The following RNF185 variants were observed in gnomAD, a reference collection of about 807,000 sequenced individuals.
RNF185 encodes the protein E3 ubiquitin-protein ligase RNF185.
A neutral mutation model predicts 24.9 loss-of-function variants in RNF185; 13 were observed. That is an observed-to-expected ratio of 0.52 (90% CI 0.34 to 0.83). The LOEUF is 0.83. Among genes scored for constraint, RNF185 ranks in the 40% least tolerant of loss-of-function variants. The probability of loss-of-function intolerance (pLI) is 0.01; values close to 1 mark genes in which losing one functional copy is unlikely to be tolerated. For synonymous variants in RNF185, 79 were observed against 90.3 expected (o/e 0.88, Z 0.71); for missense variants, 184 against 244.7 (o/e 0.75, Z 1.65).
chr22:31,176,191 G>T (rs1234454578), intron 1 of RNF185, among the ~76,000 whole-genome samples: 3 of 151,940 alleles, frequency 2.0e-5, no homozygotes, highest in Non-Finnish European at 2.9e-5. Flanking sequence ...TAATATTTTT[G>T]ACCTCTTTTT....
At chr22:31,199,872 G>T (rs1316837453) in intron 5 of RNF185, among the ~76,000 whole-genome samples, 1 of 152,226 alleles carries the variant, frequency 6.6e-6, no homozygotes, top group Non-Finnish European at 1.5e-5. Context: ...AGGCTGATCA[G>T]TGTGTGATGG....
intron 1 of RNF185, among the ~76,000 whole-genome samples, chr22:31,177,941 T>G (rs889274660): frequency 1.3e-5 from 2 of 152,200 alleles, no homozygotes; most frequent in Non-Finnish European, 2.9e-5. Context: ...TGCAGGGATA[T>G]TCAACTCTCG....
chr22:31,181,200 C>T (rs1240107855), intron 1 of RNF185, among the ~76,000 whole-genome samples: 2 of 151,696 alleles, frequency 1.3e-5, no homozygotes, highest in South Asian at 4.2e-4. Flanking sequence ...TAAAAATTAG[C>T]TGAGCATGGT....
chr22:31,163,158 TCACACC>T (rs1468584617), intron 1 of RNF185, among the ~76,000 whole-genome samples: 1 of 152,244 alleles, frequency 6.6e-6, no homozygotes, highest in Non-Finnish European at 1.5e-5. Flanking sequence ...TTCATTTCAG[TCACACC>T]CATTTATTTA....
At chr22:31,166,561 C>CTTG (rs1261375561) in intron 1 of RNF185, among the ~76,000 whole-genome samples, 1 of 149,132 alleles carries the variant, frequency 6.7e-6, no homozygotes. Context: ...ATAAGCATTT[C>CTTG]TTCTTCTTCT....
intron 1 of RNF185, among the ~76,000 whole-genome samples, chr22:31,176,887 T>C (rs927118254): frequency 6.6e-6 from 1 of 152,192 alleles, no homozygotes; most frequent in Non-Finnish European, 1.5e-5. Context: ...TGTAATCTAT[T>C]ATGTGGACGT....
At chr22:31,186,970 G>A (rs2048105222) in intron 1 of RNF185, 77 bp from the exon 2 acceptor site, 4 of 1,022,866 alleles carry the variant, frequency 3.9e-6, no homozygotes, top group Admixed American at 4.6e-5. Context: ...GGAGCCTAGA[G>A]AAGACAGGAA....
intron 2 of RNF185, among the ~76,000 whole-genome samples, chr22:31,191,199 G>C (rs188061420): frequency 1.7e-4 from 26 of 152,292 alleles, no homozygotes; most frequent in African/African-American, 6.0e-4. Context: ...TTCCCCTGAG[G>C]GTCATTCATT....
chr22:31,162,212 G>A (rs1923623674), intron 1 of RNF185, among the ~76,000 whole-genome samples: 1 of 152,102 alleles, frequency 6.6e-6, no homozygotes, highest in Non-Finnish European at 1.5e-5. Flanking sequence ...CAAAAGTTAG[G>A]GTTGAGCCAA....
At chr22:31,182,518 T>A (rs1016346778) in intron 1 of RNF185, among the ~76,000 whole-genome samples, 3 of 152,294 alleles carry the variant, frequency 2.0e-5, no homozygotes, top group East Asian at 1.9e-4. Context: ...CAGGCTGGTC[T>A]CCACCTCCTG....
At chr22:31,174,311 A>G (rs983802004) in intron 1 of RNF185, among the ~76,000 whole-genome samples, 1 of 152,224 alleles carries the variant, frequency 6.6e-6, no homozygotes, top group Non-Finnish European at 1.5e-5. Context: ...ACAAAAGGCA[A>G]CTTCTTAGAT....
In RNF185 at chr22:31,205,079, T is replaced by G. The variant is rs2048302180; in HGVS notation, c.*493T>G. The G allele has an allele frequency of 5.7e-6, 1 of 176,094 alleles. No homozygotes were observed. Among genetic ancestry groups the G allele is most frequent in the African/African-American group, 2.4e-5 (1 of 41,594 alleles). 10.9% of individuals were successfully genotyped at this position (176,094 alleles called of 1,614,324 possible). On this transcript the variant is annotated 3_prime_UTR_variant, in exon 7 of 7. Transcript: ENST00000326132. ...CTTTCAAATCCCAGTGCCGCTCTGT[T>G]CTCTTTCCTTCCCCTCCCACTCCCC...
At chr22:31,177,201 T>A (rs1240383968) in intron 1 of RNF185, among the ~76,000 whole-genome samples, 1 of 152,132 alleles carries the variant, frequency 6.6e-6, no homozygotes, top group Non-Finnish European at 1.5e-5. Context: ...CTGGGTTGCC[T>A]TGTTGGTTCA....
At chr22:31,182,255 G>A (rs547203746) in intron 1 of RNF185, among the ~76,000 whole-genome samples, 1 of 151,778 alleles carries the variant, frequency 6.6e-6, no homozygotes, top group South Asian at 2.1e-4. Flanking sequence ...GGGGCTACAG[G>A]TGTGTACCAC....
At chr22:31,164,615 G>A (rs1487375838) in intron 1 of RNF185, among the ~76,000 whole-genome samples, 26 of 130,262 alleles carry the variant, frequency 2.0e-4, no homozygotes, top group Admixed American at 8.6e-4. Context: ...TTGAGACGGA[G>A]TCTCACCCTG....
At chr22:31,173,441 A>ACACACG (rs1218998678) in intron 1 of RNF185, among the ~76,000 whole-genome samples, 1 of 151,390 alleles carries the variant, frequency 6.6e-6, no homozygotes, top group Non-Finnish European at 1.5e-5. Context: ...ACACACACAC[A>ACACACG]CGTATGTATA....
Position 31,166,622 on chromosome 22 carries a change from C to CCTT in RNF185, c.-49+6336_-49+6338dup, listed in dbSNP as rs546569176. Reference sequence around the variant, plus strand: ...CTTCCCTTCCCCTCCTCCTCCTCCTCCTTCTTCTTCTTCTTCTTCCTCTTC... The same window carrying CCTT: ...CTTCCCTTCCCCTCCTCCTCCTCCTCCTTCTTCTTCTTCTTCTTCTTCCTCTTC... On this transcript the variant is annotated intron_variant, in intron 1 of 6. Coordinates refer to ENST00000326132, the MANE Select transcript of RNF185 (RefSeq NM_152267.4). Among the ~76,000 whole-genome samples, 967 of 149,516 alleles carry CCTT rather than the reference C, an allele frequency of 6.5e-3. 14 individuals are homozygous for CCTT. The highest frequency in any genetic ancestry group is 0.02 in the African/African-American group (818 of 40,184).
intron 1 of RNF185, among the ~76,000 whole-genome samples, chr22:31,171,538 G>A (rs201888977): frequency 3.6e-4 from 50 of 140,196 alleles, no homozygotes; most frequent in African/African-American, 1.3e-3. Flanking sequence ...TTGCCAAACA[G>A]CACTGGTAAC....
chr22:31,166,230 A>T (rs1490726374), intron 1 of RNF185, among the ~76,000 whole-genome samples: 1 of 152,052 alleles, frequency 6.6e-6, no homozygotes, highest in Non-Finnish European at 1.5e-5. Context: ...ACCTCAAGTG[A>T]TCCGCCCACC....
Sources: gnomAD v4.1 joint callset for allele counts (sites outside exome capture counted in the v4.1 genomes callset) on GRCh38, gnomAD v4.1.1 for gene constraint, MANE v1.5 for transcripts, NCBI Gene and HGNC (gene_info 2026-07-23, HGNC 2026-07-21) for gene names.